Variants in HS6ST3 observed in about 807,000 individuals in gnomAD.
HS6ST3 encodes the protein heparan sulfate 6-O-sulfotransferase 3.
A neutral mutation model predicts 36.7 loss-of-function variants in HS6ST3; 12 were observed. That is an observed-to-expected ratio of 0.33 (90% CI 0.21 to 0.53). The LOEUF (loss-of-function observed/expected upper bound fraction) is 0.53, where lower values mean the gene tolerates loss of function less well. HS6ST3 is among the 20% of genes least tolerant of loss of function. The pLI, the probability that HS6ST3 is intolerant of heterozygous loss-of-function variation, is 0.95. For missense variants in HS6ST3, 584 were observed against 640.9 expected, an observed-to-expected ratio of 0.91 and a Z score of 0.96; for synonymous variants, 240 against 257.5, an observed-to-expected ratio of 0.93 and a Z score of 0.65.
intron 1 of HS6ST3, among the ~76,000 whole-genome samples, chr13:96,781,967 G>C (rs1877538477): frequency 1.3e-5 from 2 of 152,148 alleles, no homozygotes; most frequent in Non-Finnish European, 2.9e-5. Context: ...TCATAAATAT[G>C]TTCCCCCCAA....
intron 1 of HS6ST3, among the ~76,000 whole-genome samples, chr13:96,247,785 T>A (rs934561553): frequency 6.6e-6 from 1 of 152,152 alleles, no homozygotes; most frequent in South Asian, 2.1e-4. Flanking sequence ...CTACTTTTAA[T>A]GTGGCTCTTT....
chr13:96,436,165 T>C (rs575317403), intron 1 of HS6ST3, among the ~76,000 whole-genome samples: 2 of 152,354 alleles, frequency 1.3e-5, no homozygotes, highest in African/African-American at 4.8e-5. Context: ...GAAACAGTCA[T>C]TTGTTTTAAG....
At chr13:96,649,423 G>A (rs2056599984) in intron 1 of HS6ST3, among the ~76,000 whole-genome samples, 1 of 152,020 alleles carries the variant, frequency 6.6e-6, no homozygotes, top group South Asian at 2.1e-4. Flanking sequence ...CATGACACAT[G>A]GGGTTTATGG....
intron 1 of HS6ST3, among the ~76,000 whole-genome samples, chr13:96,585,640 C>T (rs1336250980): frequency 1.3e-5 from 2 of 152,158 alleles, no homozygotes; most frequent in Non-Finnish European, 2.9e-5. Flanking sequence ...TGGTAAACAC[C>T]ATTCCCTGCT....
intron 1 of HS6ST3, among the ~76,000 whole-genome samples, chr13:96,409,636 C>T (rs1435853629): frequency 6.6e-6 from 1 of 152,170 alleles, no homozygotes; most frequent in Non-Finnish European, 1.5e-5. Flanking sequence ...ATAGGAACTT[C>T]TGTTTATCGA....
At chr13:96,185,202 T>C (rs1334977110) in intron 1 of HS6ST3, among the ~76,000 whole-genome samples, 1 of 152,226 alleles carries the variant, frequency 6.6e-6, no homozygotes, top group Non-Finnish European at 1.5e-5. Flanking sequence ...TGTTACAGAA[T>C]ACTAAGTTTG....
chr13:96,507,229 A>T (rs757218172), intron 1 of HS6ST3, among the ~76,000 whole-genome samples: 6 of 152,170 alleles, frequency 3.9e-5, no homozygotes, highest in Non-Finnish European at 7.4e-5. Flanking sequence ...TGGTGCATCC[A>T]CTATAGACAC....
intron 1 of HS6ST3, among the ~76,000 whole-genome samples, chr13:96,349,223 A>G (rs542739026): frequency 6.6e-6 from 1 of 152,330 alleles, no homozygotes; most frequent in East Asian, 1.9e-4. Flanking sequence ...TGCTAAGTTA[A>G]GGTTAAAAAG....
chr13:96,717,480 C>T (rs989541414), intron 1 of HS6ST3, among the ~76,000 whole-genome samples: 1 of 152,208 alleles, frequency 6.6e-6, no homozygotes, highest in African/African-American at 2.4e-5. Context: ...ACTCTACATA[C>T]TTTCACATAA....
intron 1 of HS6ST3, among the ~76,000 whole-genome samples, chr13:96,258,075 C>G (rs146304085): frequency 6.6e-6 from 1 of 152,268 alleles, no homozygotes; most frequent in African/African-American, 2.4e-5. Flanking sequence ...GATGGCAGTT[C>G]AGTACATCAG....
At chr13:96,827,827 A>C (rs1226588850) in intron 1 of HS6ST3, among the ~76,000 whole-genome samples, 1 of 152,222 alleles carries the variant, frequency 6.6e-6, no homozygotes, top group Non-Finnish European at 1.5e-5. Context: ...ATTATGTGGA[A>C]TGAAGATTTC....
chr13:96,576,679 T>C (rs560823729), intron 1 of HS6ST3, among the ~76,000 whole-genome samples: 2 of 152,228 alleles, frequency 1.3e-5, no homozygotes, highest in East Asian at 3.9e-4. Flanking sequence ...CAGTGGCTCA[T>C]GCCTGTAATC....
chr13:96,794,381 T>A (rs1384394880), intron 1 of HS6ST3, among the ~76,000 whole-genome samples: 1 of 152,068 alleles, frequency 6.6e-6, no homozygotes, highest in Non-Finnish European at 1.5e-5. Flanking sequence ...AAAGATAGGA[T>A]CTGACTTGAG....
intron 1 of HS6ST3, among the ~76,000 whole-genome samples, chr13:96,634,044 T>C (rs2056540693): frequency 6.6e-6 from 1 of 152,138 alleles, no homozygotes; most frequent in African/African-American, 2.4e-5. Flanking sequence ...TCTCCTTCTG[T>C]CCTGTGAGGA....
intron 1 of HS6ST3, among the ~76,000 whole-genome samples, chr13:96,384,980 G>T (rs2055360351): frequency 6.6e-6 from 1 of 152,064 alleles, no homozygotes; most frequent in Non-Finnish European, 1.5e-5. Flanking sequence ...GGGAGTTCGA[G>T]ACCAACCTGA....
intron 1 of HS6ST3, among the ~76,000 whole-genome samples, chr13:96,279,178 G>C (rs1373426735): frequency 1.3e-5 from 2 of 152,120 alleles, no homozygotes; most frequent in Non-Finnish European, 2.9e-5. Flanking sequence ...AGCTTGAATA[G>C]CCAAAGTTCA....
At chr13:96,125,620 A>T (rs1229495298) in intron 1 of HS6ST3, among the ~76,000 whole-genome samples, 1 of 152,134 alleles carries the variant, frequency 6.6e-6, no homozygotes, top group African/African-American at 2.4e-5. Flanking sequence ...TACCATGATG[A>T]GTAGGGTCTT....
rs571805266 is a variant in HS6ST3 at position 96,284,907 on chromosome 13, T to TTTGC, written c.707+193341_707+193344dup. Among the ~76,000 whole-genome samples the TTTGC allele has an allele frequency of 7.3e-3, 943 of 129,422 alleles. 8 individuals are homozygous for TTTGC. Among genetic ancestry groups the TTTGC allele is most frequent in the South Asian group, 0.014 (49 of 3,514 alleles). The allele number at this position is 129,422 out of a possible 152,430, so 84.9% of individuals were successfully genotyped here. A position where few individuals can be genotyped will look rare whatever the true frequency, so the allele number is the denominator to read the frequency against. ...TTAGGGCTTTAAGATTGAATGCATA[T>TTTGC]TTGCTTTCTTTCTTTCTTTCTTTCT... On this transcript the variant is annotated intron_variant, in intron 1 of 1. Coordinates refer to ENST00000376705, the MANE Select transcript of HS6ST3 (RefSeq NM_153456.4).
chr13:96,156,408 G>T (rs1055174380), intron 1 of HS6ST3, among the ~76,000 whole-genome samples: 4 of 152,198 alleles, frequency 2.6e-5, no homozygotes, highest in African/African-American at 9.7e-5. Context: ...GAAATCCAGA[G>T]AGTGAAAGGT....
Sources: allele counts gnomAD v4.1 joint callset (sites outside exome capture counted in the v4.1 genomes callset), GRCh38; gene constraint gnomAD v4.1.1; transcripts MANE v1.5; gene names NCBI Gene and HGNC (gene_info 2026-07-23, HGNC 2026-07-21).